The following KCNK1 variants were observed in gnomAD, a reference collection of about 807,000 sequenced individuals.
KCNK1 encodes the protein potassium two pore domain channel subfamily K member 1, also known as potassium channel subfamily K member 1.
KCNK1 carries 10 observed loss-of-function variants against 22.2 expected under a neutral mutation model. The ratio of observed to expected loss-of-function variants is 0.45; its 90% CI spans 0.28 to 0.76. The LOEUF (loss-of-function observed/expected upper bound fraction) is 0.76, where lower values mean the gene tolerates loss of function less well. Ranked by LOEUF, KCNK1 falls within the 30% of genes least tolerant of loss-of-function variation. KCNK1 has a pLI of 0.14. For missense variants in KCNK1, 378 were observed against 421.0 expected (o/e 0.90, Z 0.89); for synonymous variants, 200 against 186.4 (o/e 1.07, Z -0.60).
rs1047789398 is a variant in KCNK1, at chr1:233,672,406, T to A, written c.*876T>A. 7 of 151,786 alleles carry A rather than the reference T, an allele frequency of 4.6e-5. No individual in the cohort carries two copies. The highest frequency in any genetic ancestry group is 1.7e-4 in the African/African-American group (7 of 41,346). 9.4% of individuals were successfully genotyped at this position (151,786 alleles called of 1,614,324 possible). ...ATTGTGATTTGCAGCCACCTAGCAC[T>A]AAAGCATAGAACTTAAACACGAATC... On this transcript the variant is annotated 3_prime_UTR_variant, in exon 3 of 3. Transcript: ENST00000366621.
chr1:233,636,212 A>G (rs1260569225), intron 1 of KCNK1, among the ~76,000 whole-genome samples: 1 of 152,154 alleles, frequency 6.6e-6, no homozygotes, highest in African/African-American at 2.4e-5. Context: ...TTGAGGAGTA[A>G]CATGATATCC....
chr1:233,624,113 C>CA (rs1252855803), intron 1 of KCNK1: 1 of 154,146 alleles, frequency 6.5e-6, no homozygotes, highest in Non-Finnish European at 1.5e-5. Flanking sequence ...GCTATTTACT[C>CA]AAGTCGATGC....
At chr1:233,615,104 T>C (rs969883230) in intron 1 of KCNK1, among the ~76,000 whole-genome samples, 2 of 152,232 alleles carry the variant, frequency 1.3e-5, no homozygotes, top group African/African-American at 4.8e-5. Flanking sequence ...GAGGCAGTTT[T>C]GGGGGTAGCC....
chr1:233,626,160 T>C (rs701217), intron 1 of KCNK1, among the ~76,000 whole-genome samples: 148,242 of 151,852 alleles, frequency 0.98, 72,426 homozygotes, highest in Non-Finnish European at 1. Flanking sequence ...AAAGTGGTGA[T>C]GAGAAGTGGT....
At chr1:233,630,256 CT>C (rs1333880049) in intron 1 of KCNK1, among the ~76,000 whole-genome samples, 1 of 152,170 alleles carries the variant, frequency 6.6e-6, no homozygotes, top group East Asian at 1.9e-4. Context: ...CGTGTTTATA[CT>C]GTTAATTGGC....
chr1:233,614,402 G>A lies in KCNK1; in HGVS notation c.231G>A (p.Gln77=). The part of the protein sequence containing the change: ...HECLSEQQLE[Q]FLGRVLEASN... ...GCCTGTCTGAGCAGCAGCTGGAGCA[G>A]TTCCTGGGCCGGGTGCTGGAGGCCA... is the stretch of plus-strand genomic sequence containing the variant. Residue 77 remains glutamine (Q), a synonymous_variant, in exon 1 of 3, where the codon CAG becomes CAA. Transcript: ENST00000366621. The A allele has an allele frequency of 6.2e-7, 1 of 1,612,018 alleles. No homozygotes were observed. Among genetic ancestry groups the A allele is most frequent in the Non-Finnish European group, 8.5e-7 (1 of 1,179,248 alleles).
At chr1:233,620,553 T>C (rs1330507025) in intron 1 of KCNK1, among the ~76,000 whole-genome samples, 1 of 152,238 alleles carries the variant, frequency 6.6e-6, no homozygotes, top group Non-Finnish European at 1.5e-5. Context: ...CACATTGTGA[T>C]TATCTTATCT....
chr1:233,655,732 G>T, intron 1 of KCNK1: 2 of 153,086 alleles, frequency 1.3e-5, no homozygotes, highest in South Asian at 3.6e-4. Flanking sequence ...AGAAGTCTAT[G>T]AGGAAGCAGC....
intron 1 of KCNK1, among the ~76,000 whole-genome samples, chr1:233,662,501 G>A (rs1658414783): frequency 6.6e-6 from 1 of 152,130 alleles, no homozygotes; most frequent in Admixed American, 6.5e-5. Flanking sequence ...CTCTATAGGA[G>A]CCCAGAAAGG....
At chr1:233,621,654 G>C (rs1422521459) in intron 1 of KCNK1, among the ~76,000 whole-genome samples, 1 of 152,128 alleles carries the variant, frequency 6.6e-6, no homozygotes, top group Non-Finnish European at 1.5e-5. Flanking sequence ...AAAGAGAAGA[G>C]ATTCTTAGTG....
At position 233,666,915 on chromosome 1, in the gene KCNK1, A is replaced by G. The variant is rs753081999; in HGVS notation, c.676A>G (p.Ile226Val). 2.0e-5 allele frequency: 32 copies of G among 1,613,902 alleles called. No individual in the cohort carries two copies. The highest frequency in any genetic ancestry group is 1.3e-5 in the African/African-American group (1 of 74,902). ...FYFCFISLST[I>V]GLGDYVPGEG... ...TTTTTGTTTTATTTCCCTGAGCACCATTGGCCTGGGGGATTATGTGCCTGG... is the reference window on the plus strand; with the variant it reads ...TTTTTGTTTTATTTCCCTGAGCACCGTTGGCCTGGGGGATTATGTGCCTGG... Residue 226 changes from isoleucine to valine, a missense_variant, in exon 2 of 3, where the codon ATT (isoleucine) becomes GTT (valine). Physicochemically the swap from Ile to Val is conservative, Grantham distance 29. Coordinates refer to ENST00000366621, the MANE Select transcript of KCNK1 (RefSeq NM_002245.4).
chr1:233,655,523 G>C (rs1440731371), intron 1 of KCNK1, among the ~76,000 whole-genome samples: 1 of 152,142 alleles, frequency 6.6e-6, no homozygotes, highest in Non-Finnish European at 1.5e-5. Flanking sequence ...AGAATGTTAT[G>C]GTCTGAGTGT....
At chr1:233,615,802 ATTAC>A (rs1657480563) in intron 1 of KCNK1, among the ~76,000 whole-genome samples, 1 of 152,070 alleles carries the variant, frequency 6.6e-6, no homozygotes, top group Admixed American at 6.5e-5. Context: ...TATCTTGGTA[ATTAC>A]TTGGTAATGA....
intron 1 of KCNK1, among the ~76,000 whole-genome samples, chr1:233,615,140 GGT>G (rs1449343810): frequency 6.6e-6 from 1 of 152,254 alleles, no homozygotes; most frequent in Non-Finnish European, 1.5e-5. Context: ...GCTCTTCCCA[GGT>G]GACCTCTGGG....
At chr1:233,652,197 C>T (rs567754227) in intron 1 of KCNK1, among the ~76,000 whole-genome samples, 30 of 152,254 alleles carry the variant, frequency 2.0e-4, no homozygotes, top group African/African-American at 6.5e-4. Flanking sequence ...TTCCTGGGAG[C>T]TCCTGCTTGG....
At chr1:233,647,411 T>G (rs1435668218) in intron 1 of KCNK1, among the ~76,000 whole-genome samples, 1 of 152,206 alleles carries the variant, frequency 6.6e-6, no homozygotes, top group African/African-American at 2.4e-5. Context: ...AAAGTAACCC[T>G]GTGGTGGACA....
intron 1 of KCNK1, among the ~76,000 whole-genome samples, chr1:233,642,018 C>G (rs1658008086): frequency 6.6e-6 from 1 of 152,110 alleles, no homozygotes; most frequent in Non-Finnish European, 1.5e-5. Context: ...CAGTGGTTAG[C>G]TTTTGGTGGA....
At chr1:233,628,525 C>T (rs371603937) in intron 1 of KCNK1, among the ~76,000 whole-genome samples, 4 of 152,166 alleles carry the variant, frequency 2.6e-5, no homozygotes, top group Admixed American at 6.5e-5. Flanking sequence ...TTTGGGAGGC[C>T]GAGGTGGGCA....
At chr1:233,642,125 T>C (rs951292695) in intron 1 of KCNK1, among the ~76,000 whole-genome samples, 5 of 152,204 alleles carry the variant, frequency 3.3e-5, no homozygotes, top group Non-Finnish European at 7.3e-5. Flanking sequence ...TCTTCTTCAT[T>C]GTCTTCAGCT....
Sources: allele counts gnomAD v4.1 joint callset (sites outside exome capture counted in the v4.1 genomes callset), GRCh38; gene constraint gnomAD v4.1.1; transcripts MANE v1.5; gene names NCBI Gene and HGNC (gene_info 2026-07-23, HGNC 2026-07-21).